Variants in ADAMTS19 observed in about 807,000 individuals in gnomAD.
The protein encoded by ADAMTS19 is A disintegrin and metalloproteinase with thrombospondin motifs 19.
Under a neutral mutation model 153.3 loss-of-function variants are expected in ADAMTS19, and 93 were observed. That is an observed-to-expected ratio of 0.61 (90% CI 0.51 to 0.72). The LOEUF is 0.72. Among genes scored for constraint, ADAMTS19 ranks in the 30% least tolerant of loss-of-function variants. The pLI is 0.00. For synonymous variants in ADAMTS19, 600 were observed against 556.6 expected (o/e 1.08, Z -1.10); for missense variants, 1,482 against 1,552.1 (o/e 0.95, Z 0.76).
intron 7 of ADAMTS19, among the ~76,000 whole-genome samples, chr5:129,565,433 T>G (rs1305778296): frequency 1.3e-5 from 2 of 152,174 alleles, no homozygotes; most frequent in African/African-American, 2.4e-5. Context: ...AATGTGCTAC[T>G]GTATCCATTT....
chr5:129,532,211 G>A (rs1011437125), intron 6 of ADAMTS19, among the ~76,000 whole-genome samples: 2 of 152,104 alleles, frequency 1.3e-5, no homozygotes, highest in Non-Finnish European at 2.9e-5. Flanking sequence ...CACCTTTTGT[G>A]AATTTGAGAA....
intron 3 of ADAMTS19, among the ~76,000 whole-genome samples, chr5:129,524,757 G>A (rs566016883): frequency 6.6e-6 from 1 of 150,960 alleles, no homozygotes; most frequent in East Asian, 1.9e-4. Flanking sequence ...AGAACTTGAA[G>A]GGAAAAAAAA....
intron 20 of ADAMTS19, among the ~76,000 whole-genome samples, chr5:129,703,737 A>C (rs1756017830): frequency 6.6e-6 from 1 of 152,108 alleles, no homozygotes; most frequent in Non-Finnish European, 1.5e-5. Context: ...ATCTCAAAGA[A>C]AAAAAAATCT....
At chr5:129,589,113 A>C (rs1749967195) in intron 7 of ADAMTS19, among the ~76,000 whole-genome samples, 1 of 151,862 alleles carries the variant, frequency 6.6e-6, no homozygotes, top group African/African-American at 2.4e-5. Flanking sequence ...AGATTTGTTC[A>C]TGTTTTATCT....
intron 2 of ADAMTS19, among the ~76,000 whole-genome samples, chr5:129,494,948 CA>C (rs978594309): frequency 6.6e-6 from 1 of 151,884 alleles, no homozygotes; most frequent in African/African-American, 2.4e-5. Flanking sequence ...ACCATGGGTG[CA>C]AAAAATACCA....
At chr5:129,553,193 A>G (rs2126826262) in intron 7 of ADAMTS19, among the ~76,000 whole-genome samples, 1 of 152,236 alleles carries the variant, frequency 6.6e-6, no homozygotes, top group South Asian at 2.1e-4. Context: ...CTTGTTTGAT[A>G]GGGACAGCTC....
chr5:129,598,557 A>G (rs1750494068), intron 8 of ADAMTS19, among the ~76,000 whole-genome samples: 1 of 152,226 alleles, frequency 6.6e-6, no homozygotes, highest in Non-Finnish European at 1.5e-5. Context: ...ACAGAACAAT[A>G]TCAATACCAA....
chr5:129,569,281 G>T (rs980517337), intron 7 of ADAMTS19, among the ~76,000 whole-genome samples: 1 of 152,154 alleles, frequency 6.6e-6, no homozygotes, highest in Admixed American at 6.6e-5. Context: ...TAACCAAAAA[G>T]ATATAGTAGT....
At chr5:129,535,172 C>G (rs1050902490) in intron 6 of ADAMTS19, among the ~76,000 whole-genome samples, 7 of 152,186 alleles carry the variant, frequency 4.6e-5, no homozygotes, top group East Asian at 3.9e-4. Flanking sequence ...ACCCCATCAT[C>G]TCAGCCCAAA....
intron 21 of ADAMTS19, among the ~76,000 whole-genome samples, chr5:129,710,217 T>G (rs137979384): frequency 4.7e-4 from 72 of 152,266 alleles, no homozygotes; most frequent in African/African-American, 1.7e-3. Context: ...GTGAGAACAT[T>G]CAGTGTTTGC....
intron 10 of ADAMTS19, among the ~76,000 whole-genome samples, chr5:129,637,834 G>A (rs908235360): frequency 3.3e-5 from 5 of 152,106 alleles, no homozygotes; most frequent in Non-Finnish European, 7.4e-5. Context: ...GGTGACAAGA[G>A]CGAGACTCTG....
chr5:129,616,771 GA>G (rs1751551774), intron 8 of ADAMTS19, among the ~76,000 whole-genome samples: 2 of 152,042 alleles, frequency 1.3e-5, no homozygotes, highest in South Asian at 2.1e-4. Context: ...CTTACTTAGA[GA>G]ATGTTTTCCA....
At chr5:129,476,017 G>A (rs1580986680) in intron 2 of ADAMTS19, among the ~76,000 whole-genome samples, 1 of 152,142 alleles carries the variant, frequency 6.6e-6, no homozygotes, top group African/African-American at 2.4e-5. Context: ...ATGCAAAACC[G>A]ATTATTTTTT....
chr5:129,667,251 C>T (rs909700041), intron 16 of ADAMTS19, among the ~76,000 whole-genome samples: 2 of 152,114 alleles, frequency 1.3e-5, no homozygotes, highest in Admixed American at 6.6e-5. Context: ...TCCAAATATT[C>T]CCATACTATG....
At chr5:129,726,562 G>A (rs539201480) in intron 21 of ADAMTS19, among the ~76,000 whole-genome samples, 9 of 152,046 alleles carry the variant, frequency 5.9e-5, no homozygotes, top group African/African-American at 1.9e-4. Flanking sequence ...GAGAGAGAGC[G>A]CCATGGAATC....
chr5:129,617,714 G>T (rs1055449570), intron 8 of ADAMTS19, among the ~76,000 whole-genome samples: 1 of 151,860 alleles, frequency 6.6e-6, no homozygotes, highest in East Asian at 1.9e-4. Flanking sequence ...ATTACATTAA[G>T]CCACTTTTAC....
At chr5:129,642,221 T>C (rs1752823175) in intron 11 of ADAMTS19, among the ~76,000 whole-genome samples, 1 of 151,962 alleles carries the variant, frequency 6.6e-6, no homozygotes, top group South Asian at 2.1e-4. Context: ...TATATATGCA[T>C]TAATATAGCA....
At chr5:129,609,144 A>C (rs1751072812) in intron 8 of ADAMTS19, among the ~76,000 whole-genome samples, 1 of 152,170 alleles carries the variant, frequency 6.6e-6, no homozygotes, top group Non-Finnish European at 1.5e-5. Flanking sequence ...CCTCTGACAC[A>C]AATGCCTTGG....
chr5:129,661,209 C>T (rs1480241472), intron 15 of ADAMTS19, among the ~76,000 whole-genome samples: 1 of 152,052 alleles, frequency 6.6e-6, no homozygotes, highest in Non-Finnish European at 1.5e-5. Context: ...ACTTGTCTTT[C>T]ATTTCCCATT....
Sources: gnomAD v4.1 joint callset for allele counts (sites outside exome capture counted in the v4.1 genomes callset) on GRCh38, gnomAD v4.1.1 for gene constraint, MANE v1.5 for transcripts, NCBI Gene and HGNC (gene_info 2026-07-23, HGNC 2026-07-21) for gene names.